TMEM117: variants seen among roughly 807,000 people sequenced by gnomAD.
TMEM117 encodes transmembrane protein 117.
A neutral mutation model predicts 52.4 loss-of-function variants in TMEM117; 27 were observed. The observed-to-expected ratio is 0.51, with a 90% CI of 0.38 to 0.71. The LOEUF (loss-of-function observed/expected upper bound fraction) is 0.71. Ranked by LOEUF, TMEM117 falls within the 30% of genes least tolerant of loss-of-function variation. The pLI is 0.00. For missense variants in TMEM117, 556 were observed against 630.5 expected (o/e 0.88, Z 1.26); for synonymous variants, 215 against 206.3 (o/e 1.04, Z -0.36).
intron 2 of TMEM117, among the ~76,000 whole-genome samples, chr12:43,865,622 G>C (rs1171096587): frequency 2.0e-5 from 3 of 151,906 alleles, no homozygotes; most frequent in Non-Finnish European, 4.4e-5. Flanking sequence ...GCTTGAACCT[G>C]GGAGGTGGAG....
At chr12:44,014,016 G>A (rs922990597) in intron 3 of TMEM117, among the ~76,000 whole-genome samples, 1 of 152,156 alleles carries the variant, frequency 6.6e-6, no homozygotes, top group African/African-American at 2.4e-5. Flanking sequence ...CAGGGGAGGG[G>A]CATAGGGAGA....
intron 3 of TMEM117, among the ~76,000 whole-genome samples, chr12:44,027,132 A>ATTTTATTTTATTTTATTTTATTT (rs1168252252): frequency 5.8e-5 from 6 of 104,096 alleles, no homozygotes; most frequent in African/African-American, 2.6e-4. Context: ...ATTTTATTTT[A>ATTTTATTTTATTTTATTTTATTT]TATTTTATTT....
intron 5 of TMEM117, among the ~76,000 whole-genome samples, chr12:44,247,135 T>A (rs1950140689): frequency 6.6e-6 from 1 of 152,242 alleles, no homozygotes; most frequent in South Asian, 2.1e-4. Context: ...AAACTCCTAT[T>A]TCTGCTCACA....
rs573274480 is a variant in TMEM117 at position 44,181,635 on chromosome 12, G to C, written c.511-29655G>C. ...AATCCCTTCCCCATTGCTTGTTTTT[G>C]TCAGGTTTGTTAAAGATCAGATAGT... On this transcript the variant is annotated intron_variant, in intron 4 of 7. Coordinates refer to ENST00000266534, the MANE Select transcript of TMEM117 (RefSeq NM_032256.3). 4.3e-3 allele frequency among the ~76,000 whole-genome samples: 644 copies of C among 150,342 alleles called. 7 individuals are homozygous for C. Among genetic ancestry groups the C allele is most frequent in the South Asian group, 0.025 (114 of 4,602 alleles).
At chr12:44,182,051 C>T (rs1949208385) in intron 4 of TMEM117, among the ~76,000 whole-genome samples, 1 of 152,038 alleles carries the variant, frequency 6.6e-6, no homozygotes, top group African/African-American at 2.4e-5. Context: ...TTGTAGTTCT[C>T]CTTGAAGAGG....
At chr12:43,888,331 T>C (rs1303467771) in intron 2 of TMEM117, among the ~76,000 whole-genome samples, 1 of 152,202 alleles carries the variant, frequency 6.6e-6, no homozygotes, top group African/African-American at 2.4e-5. Context: ...GAATAATCCT[T>C]TCCCATATCT....
the TMEM117 span, chr12:43,797,814 A>G: frequency 6.2e-7 from 1 of 1,613,346 alleles, no homozygotes; most frequent in Non-Finnish European, 8.5e-7. Context: ...CTTAGTGTCC[A>G]CACCCACGTC....
chr12:44,263,938 T>C (rs1950348790), intron 5 of TMEM117: 2 of 152,240 alleles, frequency 1.3e-5, no homozygotes, highest in Admixed American at 1.3e-4. Context: ...AGGATCATAT[T>C]AATATTTTCA....
chr12:43,947,223 T>A (rs577220467), intron 3 of TMEM117, among the ~76,000 whole-genome samples: 4 of 152,128 alleles, frequency 2.6e-5, no homozygotes, highest in African/African-American at 9.7e-5. Flanking sequence ...TAGTCCTAGC[T>A]ACTTGGAAAG....
intron 2 of TMEM117, among the ~76,000 whole-genome samples, chr12:43,900,147 G>A (rs1035844226): frequency 6.6e-6 from 1 of 152,164 alleles, no homozygotes; most frequent in Non-Finnish European, 1.5e-5. Context: ...GGATTAGACC[G>A]CTGGAGTTTG....
chr12:44,374,138 A>G (rs1045683113), intron 6 of TMEM117, among the ~76,000 whole-genome samples: 1 of 152,120 alleles, frequency 6.6e-6, no homozygotes, highest in Non-Finnish European at 1.5e-5. Flanking sequence ...ATTAGCAATT[A>G]TCATTATTAC....
At chr12:44,087,074 T>C (rs77700008) in intron 3 of TMEM117, among the ~76,000 whole-genome samples, 1,746 of 149,386 alleles carry the variant, frequency 0.012, 33 homozygotes, top group East Asian at 0.057. Flanking sequence ...AGCCAAAGAG[T>C]ATGATGCCTT....
chr12:44,101,601 T>C (rs1165882179), intron 3 of TMEM117, among the ~76,000 whole-genome samples: 1 of 151,960 alleles, frequency 6.6e-6, no homozygotes, highest in Non-Finnish European at 1.5e-5. Context: ...AGAGCAGCTG[T>C]CCATTAAAAC....
chr12:44,042,802 A>T (rs1301160363), intron 3 of TMEM117, among the ~76,000 whole-genome samples: 1 of 131,052 alleles, frequency 7.6e-6, no homozygotes, highest in Admixed American at 7.4e-5. Flanking sequence ...ACACACACAC[A>T]CACACACTTA....
At chr12:43,921,704 T>A (rs1944697180) in intron 2 of TMEM117, among the ~76,000 whole-genome samples, 1 of 152,212 alleles carries the variant, frequency 6.6e-6, no homozygotes, top group South Asian at 2.1e-4. Flanking sequence ...CCTTTTCGTT[T>A]CTATGTATCT....
At chr12:44,133,443 G>A (rs542956102) in intron 3 of TMEM117, among the ~76,000 whole-genome samples, 1 of 152,278 alleles carries the variant, frequency 6.6e-6, no homozygotes, top group Admixed American at 6.5e-5. Flanking sequence ...AACTCGATGG[G>A]TCTGAAATGT....
At chr12:44,013,603 G>T (rs912881818) in intron 3 of TMEM117, among the ~76,000 whole-genome samples, 1 of 151,956 alleles carries the variant, frequency 6.6e-6, no homozygotes, top group Non-Finnish European at 1.5e-5. Context: ...TCTGATAGTC[G>T]CTGTGAGGGC....
chr12:44,172,393 C>T (rs1450450195), intron 4 of TMEM117, among the ~76,000 whole-genome samples: 1 of 152,092 alleles, frequency 6.6e-6, no homozygotes, highest in Non-Finnish European at 1.5e-5. Context: ...CTTGTGGTAT[C>T]GTAATTCACT....
At chr12:44,026,344 G>C (rs985174229) in intron 3 of TMEM117, among the ~76,000 whole-genome samples, 1 of 152,110 alleles carries the variant, frequency 6.6e-6, no homozygotes, top group African/African-American at 2.4e-5. Context: ...TTTAGACTGT[G>C]ATTAAAAACC....
Sources: gnomAD v4.1 joint callset for allele counts (sites outside exome capture counted in the v4.1 genomes callset) on GRCh38, gnomAD v4.1.1 for gene constraint, MANE v1.5 for transcripts, NCBI Gene and HGNC (gene_info 2026-07-23, HGNC 2026-07-21) for gene names.